RBBP7: variants seen among roughly 807,000 people sequenced by gnomAD.
RBBP7 encodes the protein RB binding protein 7, chromatin remodeling factor, also known as histone-binding protein RBBP7.
A neutral mutation model predicts 35.2 loss-of-function variants in RBBP7; 5 were observed. That is an observed-to-expected ratio of 0.14 (90% CI 0.07 to 0.30). The LOEUF is 0.30. Ranked by LOEUF, RBBP7 falls within the 10% of genes least tolerant of loss-of-function variation. The pLI is 1.00. For synonymous variants in RBBP7, 140 were observed against 118.7 expected (o/e 1.18, Z -1.17); for missense variants, 155 against 327.5 (o/e 0.47, Z 4.07).
rs1352131829 is a variant in RBBP7 at position 16,869,913 on chromosome X, T to C, written c.16+125A>G. The C allele has an allele frequency of 3.9e-5, 30 of 762,749 alleles. No individual in the cohort carries two copies. In the South Asian group the frequency reaches 1.0e-3, roughly 26 times the overall value. The allele number at this position is 762,749 out of a possible 1,213,427, so 62.9% of individuals were successfully genotyped here. On this transcript the variant is annotated intron_variant, in intron 1 of 11. Transcript: ENST00000380087. ...CAGGCCCCTCGAGGCGCGCGCCCAGTCTCGCGCCCGGCCCCGCCCCCTGCT... is the reference window on the plus strand; with the variant it reads ...CAGGCCCCTCGAGGCGCGCGCCCAGCCTCGCGCCCGGCCCCGCCCCCTGCT...
intron 5 of RBBP7, among the ~76,000 whole-genome samples, chrX:16,854,072 G>A (rs769705829): frequency 9.1e-5 from 10 of 110,157 alleles, no homozygotes; most frequent in South Asian, 3.9e-4. Flanking sequence ...TAGTAGAGAC[G>A]GGGGTCTCAC....
chrX:16,858,202 G>C (rs1184626866), intron 4 of RBBP7, among the ~76,000 whole-genome samples: 4 of 111,681 alleles, frequency 3.6e-5, no homozygotes, highest in African/African-American at 1.3e-4. Flanking sequence ...AATGTATTTG[G>C]CTTCACTATT....
rs762145046 is a variant in RBBP7, at chrX:16,863,334, T to G, written c.162-234A>C. On this transcript the variant is annotated intron_variant, in intron 2 of 11. Coordinates refer to ENST00000380087, the MANE Select transcript of RBBP7 (RefSeq NM_002893.4). ...GGCTTGCTTCTTTCCCAAAGAGCCATCCTCCTGTGCCTCAATTATCAGCGT... is the reference window on the plus strand; with the variant it reads ...GGCTTGCTTCTTTCCCAAAGAGCCAGCCTCCTGTGCCTCAATTATCAGCGT... Among the ~76,000 whole-genome samples the G allele has an allele frequency of 2.7e-5, 3 of 111,870 alleles. No homozygotes were observed. In the East Asian group the frequency reaches 8.4e-4, roughly 31 times the overall value.
chrX:16,869,955 G>A, intron 1 of RBBP7, 83 bp downstream of exon 1: 1 of 750,961 alleles, frequency 1.3e-6, no homozygotes, highest in South Asian at 6.6e-5. Flanking sequence ...GCCAATTCGC[G>A]CCTTTCGCCG....
chrX:16,846,491 C>G (rs1930082126), intron 10 of RBBP7: 1 of 111,925 alleles, frequency 8.9e-6, no homozygotes, highest in South Asian at 3.8e-4. Context: ...CGTACACAGA[C>G]AGCACCAGGG....
At chrX:16,869,399 T>G in intron 1 of RBBP7, 179 bp from the exon 2 acceptor site, 6 of 1,078,713 alleles carry the variant, frequency 5.6e-6, no homozygotes. Flanking sequence ...GGAAGCCTAT[T>G]TTTTCCATTG....
chrX:16,856,244 A>G (rs1381865671), intron 5 of RBBP7, among the ~76,000 whole-genome samples: 1 of 110,700 alleles, frequency 9.0e-6, no homozygotes, highest in Non-Finnish European at 1.9e-5. Context: ...TTAAAACCAC[A>G]ATGAGCTGGG....
rs1277991031 is a variant in RBBP7, at chrX:16,860,576, T to C, written c.308-1727A>G. Among the ~76,000 whole-genome samples, 53 of 106,648 alleles carry C rather than the reference T, an allele frequency of 5.0e-4. 1 individual carries two copies. The Admixed American group carries it at 5.1e-3, about 10-fold the overall frequency. 92.6% of individuals were successfully genotyped at this position (106,648 alleles called of 115,157 possible). ...GGTGGCGGGCGCCTGTAGTCCCAGC[T>C]ACTCGGGAAATCGCTTGAACCCAGG... On this transcript the variant is annotated intron_variant, in intron 3 of 11. Transcript: ENST00000380087.
rs770994288 is a variant in RBBP7, at chrX:16,852,640, T to G, written c.886-12A>C. ...CATAAAGCTACGGTCTAAAGAAAAA[T>G]AACAAGTGAAAATGATTTCTATGCT... is the stretch of plus-strand genomic sequence containing the variant. On this transcript the variant is annotated splice_polypyrimidine_tract_variant and intron_variant, in intron 7 of 11. Coordinates refer to ENST00000380087, the MANE Select transcript of RBBP7 (RefSeq NM_002893.4). 2.5e-6 allele frequency: 3 copies of G among 1,207,292 alleles called. No homozygotes were observed. In the East Asian group the frequency reaches 8.9e-5, roughly 36 times the overall value.
intron 5 of RBBP7, among the ~76,000 whole-genome samples, chrX:16,855,352 A>G (rs946589903): frequency 4.4e-5 from 5 of 112,487 alleles, no homozygotes; most frequent in Admixed American, 2.8e-4. Flanking sequence ...GTGCCCAGCC[A>G]CATGAAGGAC....
At chrX:16,862,101 T>C (rs1930490561) in intron 3 of RBBP7, among the ~76,000 whole-genome samples, 1 of 111,367 alleles carries the variant, frequency 9.0e-6, no homozygotes, top group Non-Finnish European at 1.9e-5. Flanking sequence ...AGCAGAGATA[T>C]TTCACACATG....
chrX:16,852,989 A>G, intron 6 of RBBP7, 114 bp from the exon 7 acceptor site: 1 of 1,110,716 alleles, frequency 9.0e-7, no homozygotes, highest in Non-Finnish European at 1.2e-6. Context: ...CCCTTCATGA[A>G]GAAACCAACC....
intron 2 of RBBP7, among the ~76,000 whole-genome samples, chrX:16,865,087 A>AAAAC (rs1930581149): frequency 2.9e-5 from 3 of 104,017 alleles, no homozygotes; most frequent in Non-Finnish European, 5.9e-5. Flanking sequence ...AAAAAAAAAA[A>AAAAC]AAAGAATAAA....
At chrX:16,869,772 G>T (rs1930729155) in intron 1 of RBBP7, 1 of 950,055 alleles carries the variant, frequency 1.1e-6, no homozygotes. Flanking sequence ...GGGGCCGAGG[G>T]CGCCGGAGGG....
At chrX:16,855,332 G>A (rs1930323871) in intron 5 of RBBP7, among the ~76,000 whole-genome samples, 1 of 112,364 alleles carries the variant, frequency 8.9e-6, no homozygotes, top group Non-Finnish European at 1.9e-5. Flanking sequence ...GATTCCAGGC[G>A]TGAGCCACTG....
intron 5 of RBBP7, among the ~76,000 whole-genome samples, chrX:16,854,272 A>AAG (rs1271066766): frequency 9.0e-6 from 1 of 111,528 alleles, no homozygotes; most frequent in Non-Finnish European, 1.9e-5. Context: ...AGGTAAACAC[A>AAG]AGAGAGAAAA....
intron 2 of RBBP7, among the ~76,000 whole-genome samples, chrX:16,867,645 G>C (rs942446890): frequency 3.6e-5 from 4 of 111,071 alleles, no homozygotes; most frequent in African/African-American, 1.3e-4. Flanking sequence ...TGTAAGAGCA[G>C]TTTTATATAC....
At chrX:16,865,122 C>T (rs1368157859) in intron 2 of RBBP7, among the ~76,000 whole-genome samples, 10 of 102,627 alleles carry the variant, frequency 9.7e-5, no homozygotes, top group African/African-American at 3.6e-4. Context: ...TGGTGGCTCA[C>T]GCCTCTAATC....
chrX:16,857,762 GAATA>G lies in RBBP7; in HGVS notation c.482-57_482-54del, dbSNP rs1930382851. 3 of 1,167,184 alleles carry G rather than the reference GAATA, an allele frequency of 2.6e-6. No homozygotes were observed. In the African/African-American group the frequency reaches 5.6e-5, roughly 22 times the overall value. ...ATTCTCTGTTTATCAGAACTGGTGAGAATAAATTCTCACTCCTTCATTGAGTGAA... is the reference window on the plus strand; with the variant it reads ...ATTCTCTGTTTATCAGAACTGGTGAGAATTCTCACTCCTTCATTGAGTGAA... On this transcript the variant is annotated intron_variant, in intron 4 of 11. Coordinates refer to ENST00000380087, the MANE Select transcript of RBBP7 (RefSeq NM_002893.4).
Sources: gnomAD v4.1 joint callset for allele counts (sites outside exome capture counted in the v4.1 genomes callset) on GRCh38, gnomAD v4.1.1 for gene constraint, MANE v1.5 for transcripts, NCBI Gene and HGNC (gene_info 2026-07-23, HGNC 2026-07-21) for gene names.